Variants in URAD observed in about 807,000 individuals in gnomAD.
The protein encoded by URAD is putative 2-oxo-4-hydroxy-4-carboxy-5-ureidoimidazoline decarboxylase.
Under a neutral mutation model 4.6 loss-of-function variants are expected in URAD, and 4 were observed. The ratio of observed to expected loss-of-function variants is 0.87; its 90% CI spans 0.43 to 1.98. URAD has a LOEUF of 1.98. Among genes scored for constraint, URAD ranks in the 30% most tolerant of loss-of-function variants. The pLI, the probability that URAD is intolerant of heterozygous loss-of-function variation, is 0.03. For synonymous variants in URAD, 144 were observed against 118.2 expected, an observed-to-expected ratio of 1.22 and a Z score of -1.41; for missense variants, 300 against 255.3, an observed-to-expected ratio of 1.18 and a Z score of -1.19.
intron 1 of URAD, 56 bp from the exon 2 acceptor site, chr13:27,978,508 G>A (rs961841860): frequency 1.6e-6 from 2 of 1,230,822 alleles, no homozygotes; most frequent in Non-Finnish European, 2.0e-6. Flanking sequence ...GTCCCGCACC[G>A]CGCACTCGAG....
chr13:27,986,018 C>G (rs1477010635), intron 1 of URAD, among the ~76,000 whole-genome samples: 1 of 152,134 alleles, frequency 6.6e-6, no homozygotes, highest in African/African-American at 2.4e-5. Flanking sequence ...GGAGCTGCCG[C>G]CAGACAGCAA....
Position 27,978,162 on chromosome 13 carries a change from T to TC in URAD, c.465dup (p.Lys156GlufsTer71). On this transcript the variant is annotated frameshift_variant, in exon 2 of 2. Transcript: ENST00000332715. LOFTEE classifies it low-confidence loss of function (END_TRUNC). ...TCGGCCAGGCGCAGGCTGCCGATCT[T>TC]CTTCACCTCGCCCAGAGCAGTGCGC... The TC allele has an allele frequency of 1.3e-6, 2 of 1,535,108 alleles. No individual in the cohort carries two copies. Among genetic ancestry groups the TC allele is most frequent in the Non-Finnish European group, 1.7e-6 (2 of 1,153,598 alleles).
At chr13:27,987,858 A>G (rs889458698) in intron 1 of URAD, among the ~76,000 whole-genome samples, 14 of 152,272 alleles carry the variant, frequency 9.2e-5, no homozygotes, top group African/African-American at 3.4e-4. Flanking sequence ...CAATAAACAC[A>G]TCAAGTATAA....
At chr13:27,978,547 T>C (rs987237595) in intron 1 of URAD, 95 bp from the exon 2 acceptor site, 1 of 960,186 alleles carries the variant, frequency 1.0e-6, no homozygotes, top group Non-Finnish European at 1.4e-6. Flanking sequence ...CCGGCCCCCC[T>C]GCCCCGCCCC....
In URAD at chr13:27,978,316, C is replaced by T; in HGVS notation, c.312G>A (p.Leu104=). ...CGCGGTACTGCGCGTTGAGCTCGGC[C>T]AGCCGCAGCCGCTCGTCCGCGCCCA... ...RSLGADERLR[L]AELNAQYRAR... The change falls in exon 2 of 2, where the codon CTG becomes CTA. Residue 104 remains leucine, a synonymous_variant. Transcript: ENST00000332715. 2 of 1,394,968 alleles carry T rather than the reference C, an allele frequency of 1.4e-6. No individual in the cohort carries two copies. The highest frequency in any genetic ancestry group is 3.5e-5 in the Admixed American group (1 of 28,580). The allele number at this position is 1,394,968 out of a possible 1,614,324, so 86.4% of individuals were successfully genotyped here.
rs7323025 is a variant in URAD at position 27,988,685 on chromosome 13, T to C, written c.-48A>G. On this transcript the variant is annotated 5_prime_UTR_variant, in exon 1 of 2. Coordinates refer to ENST00000332715, the MANE Select transcript of URAD (RefSeq NM_001105577.2). ...GCGGGACGTCCAGCTCCCCTCTCGG[T>C]GAGTGAGTGACGCTGTCTCGGCTCA... is the stretch of plus-strand genomic sequence containing the variant. The C allele has an allele frequency of 0.01, 15,780 of 1,522,478 alleles. 1,252 individuals are homozygous for C. In the African/African-American group the frequency reaches 0.18, roughly 18 times the overall value. The allele number at this position is 1,522,478 out of a possible 1,614,324, so 94.3% of individuals were successfully genotyped here.
At chr13:27,986,507 T>C (rs1566043385) in intron 1 of URAD, among the ~76,000 whole-genome samples, 2 of 151,058 alleles carry the variant, frequency 1.3e-5, no homozygotes, top group African/African-American at 4.9e-5. Flanking sequence ...AGCAATAAGA[T>C]GAAAATGGAG....
chr13:27,982,819 G>T (rs1295179066), intron 1 of URAD, among the ~76,000 whole-genome samples: 1 of 152,178 alleles, frequency 6.6e-6, no homozygotes, highest in African/African-American at 2.4e-5. Context: ...AAACTTAGGA[G>T]TGACCATTCA....
In URAD at chr13:27,981,028, C is replaced by CT. The variant is rs149754765; in HGVS notation, c.176-2577_176-2576insA. The stretch of plus-strand genomic sequence containing the variant: ...GTCGCTTCTCTCTCTCTCTCTCTCT[C>CT]CTCTCTCTCTCTCTCTCTCTCTCTG... On this transcript the variant is annotated intron_variant, in intron 1 of 1. Transcript: ENST00000332715. 5.0e-4 allele frequency among the ~76,000 whole-genome samples: 59 copies of CT among 117,212 alleles called. 1 individual carries two copies. Among genetic ancestry groups the CT allele is most frequent in the Non-Finnish European group, 7.0e-4 (37 of 52,580 alleles). 76.9% of individuals were successfully genotyped at this position (117,212 alleles called of 152,430 possible). A position where few individuals can be genotyped will look rare whatever the true frequency, so the allele number is the denominator to read the frequency against.
At chr13:27,982,456 C>T (rs1174109464) in intron 1 of URAD, among the ~76,000 whole-genome samples, 2 of 152,050 alleles carry the variant, frequency 1.3e-5, no homozygotes, top group African/African-American at 2.4e-5. Context: ...CAGAGACATC[C>T]TTTGCCTACT....
chr13:27,979,957 C>G (rs1208181166), intron 1 of URAD, among the ~76,000 whole-genome samples: 3 of 152,222 alleles, frequency 2.0e-5, no homozygotes, highest in Non-Finnish European at 4.4e-5. Context: ...CCTGGACCCT[C>G]TACTCCAAAT....
At chr13:27,987,481 G>A (rs1870062171) in intron 1 of URAD, among the ~76,000 whole-genome samples, 1 of 152,142 alleles carries the variant, frequency 6.6e-6, no homozygotes, top group Admixed American at 6.5e-5. Flanking sequence ...TGATCTGAAT[G>A]AATTCACTCT....
chr13:27,980,717 G>A, intron 1 of URAD, among the ~76,000 whole-genome samples: 1 of 152,176 alleles, frequency 6.6e-6, no homozygotes, highest in Non-Finnish European at 1.5e-5. Flanking sequence ...CCCCCACCAG[G>A]CTCCCCGCGC....
At chr13:27,986,827 T>A (rs932702751) in intron 1 of URAD, among the ~76,000 whole-genome samples, 36 of 152,322 alleles carry the variant, frequency 2.4e-4, no homozygotes, top group Non-Finnish European at 3.5e-4. Context: ...CCTTCCGGCC[T>A]GCCCTGCAGG....
chr13:27,983,750 G>A (rs1196587860), intron 1 of URAD, among the ~76,000 whole-genome samples: 1 of 152,110 alleles, frequency 6.6e-6, no homozygotes, highest in African/African-American at 2.4e-5. Context: ...TTAAGGCAAG[G>A]ACTTGTCTTG....
At position 27,978,177 on chromosome 13, in the gene URAD, G is replaced by C. The variant is rs370310813; in HGVS notation, c.451C>G (p.Leu151Val). 503 of 1,527,480 alleles carry C rather than the reference G, an allele frequency of 3.3e-4. No individual in the cohort carries two copies. The African/African-American group carries it at 5.9e-3, about 18-fold the overall frequency. 94.6% of individuals were successfully genotyped at this position (1,527,480 alleles called of 1,614,324 possible). ...CPSAQELRTA[L>V]GEVKKIGSLR... ...CTGCCGATCTTCTTCACCTCGCCCA[G>C]AGCAGTGCGCAGCTCCTGCGCGGAC... The change falls in exon 2 of 2, where the codon CTG becomes GTG. Residue 151 changes from leucine (L) to valine (V), a missense_variant. Coordinates refer to ENST00000332715, the MANE Select transcript of URAD (RefSeq NM_001105577.2).
At chr13:27,983,741 TA>T (rs957912658) in intron 1 of URAD, among the ~76,000 whole-genome samples, 1 of 152,206 alleles carries the variant, frequency 6.6e-6, no homozygotes, top group African/African-American at 2.4e-5. Context: ...TAAGCTCATT[TA>T]AGGCAAGGAC....
rs910066976 is a variant in URAD at position 27,978,184 on chromosome 13, G to A, written c.444C>T (p.Arg148=). The A allele has an allele frequency of 5.3e-6, 8 of 1,516,576 alleles. No individual in the cohort carries two copies. The highest frequency in any genetic ancestry group is 4.3e-5 in the African/African-American group (3 of 69,550). The allele number at this position is 1,516,576 out of a possible 1,614,324, so 93.9% of individuals were successfully genotyped here. ...TCTTCTTCACCTCGCCCAGAGCAGT[G>A]CGCAGCTCCTGCGCGGACGGGCAGA... ...RLLCPSAQEL[R]TALGEVKKIG... Residue 148 remains arginine, a synonymous_variant, in exon 2 of 2, where the codon CGC becomes CGT. Transcript: ENST00000332715.
chr13:27,986,893 C>A (rs1870044229), intron 1 of URAD, among the ~76,000 whole-genome samples: 2 of 152,146 alleles, frequency 1.3e-5, no homozygotes, highest in Admixed American at 6.6e-5. Flanking sequence ...TGGGCTGTCC[C>A]TGTGAGTCAA....
Sources: allele counts gnomAD v4.1 joint callset (sites outside exome capture counted in the v4.1 genomes callset), GRCh38; gene constraint gnomAD v4.1.1; transcripts MANE v1.5; gene names NCBI Gene and HGNC (gene_info 2026-07-23, HGNC 2026-07-21).